LRRC4B: variants seen among roughly 807,000 people sequenced by gnomAD.
LRRC4B encodes the protein leucine-rich repeat-containing protein 4B.
LRRC4B carries 1 observed loss-of-function variant against 7.3 expected under a neutral mutation model. The observed-to-expected ratio is 0.14, with a 90% CI of 0.05 to 0.65. The LOEUF is 0.65. Ranked by LOEUF, LRRC4B falls within the 30% of genes least tolerant of loss-of-function variation. LRRC4B has a pLI of 0.84. For synonymous variants in LRRC4B, 500 were observed against 499.2 expected, an observed-to-expected ratio of 1.00 and a Z score of -0.02; for missense variants, 730 against 1,041.6, an observed-to-expected ratio of 0.70 and a Z score of 4.12.
At chr19:50,521,768 C>T (rs1469430064) in intron 2 of LRRC4B, among the ~76,000 whole-genome samples, 1 of 151,212 alleles carries the variant, frequency 6.6e-6, no homozygotes, top group Admixed American at 6.7e-5. Context: ...CCATGTTGGC[C>T]AGACTGTTCT....
chr19:50,535,084 G>T (rs910202418), intron 2 of LRRC4B, among the ~76,000 whole-genome samples: 10 of 152,022 alleles, frequency 6.6e-5, no homozygotes, highest in Non-Finnish European at 1.0e-4. Flanking sequence ...TAGCCAGGAT[G>T]GTCTCGATCT....
chr19:50,546,328 CTG>C (rs1183840469), intron 2 of LRRC4B, among the ~76,000 whole-genome samples: 2 of 151,664 alleles, frequency 1.3e-5, no homozygotes, highest in African/African-American at 4.8e-5. Flanking sequence ...GAGCGAGACT[CTG>C]TCTCAAAATA....
intron 1 of LRRC4B, among the ~76,000 whole-genome samples, chr19:50,558,791 G>T (rs2122925547): frequency 6.6e-6 from 1 of 152,352 alleles, no homozygotes; most frequent in South Asian, 2.1e-4. Context: ...TTCTGCCTGA[G>T]TCCCTGAAGT....
Position 50,548,869 on chromosome 19 carries a change from G to A in LRRC4B, c.-31C>T, listed in dbSNP as rs1286187683. 2 of 1,419,336 alleles carry A rather than the reference G, an allele frequency of 1.4e-6. No homozygotes were observed. Among genetic ancestry groups the A allele is most frequent in the Non-Finnish European group, 1.9e-6 (2 of 1,080,988 alleles). 87.9% of individuals were successfully genotyped at this position (1,419,336 alleles called of 1,614,324 possible). On this transcript the variant is annotated 5_prime_UTR_variant, in exon 2 of 3. Coordinates refer to ENST00000652263, the MANE Select transcript of LRRC4B (RefSeq NM_001080457.2). The surrounding 1 kb of genome is among the most constrained non-coding windows in gnomAD (Gnocchi z 6.8). ...ATGTTCATGCTCCGCGTGGACGCTG[G>A]GGGGCTGTGGGTGGGGGAGAGAAGG...
intron 2 of LRRC4B, among the ~76,000 whole-genome samples, chr19:50,524,607 A>G (rs1374093447): frequency 6.6e-6 from 1 of 152,214 alleles, no homozygotes; most frequent in African/African-American, 2.4e-5. Context: ...TAATAAAGAA[A>G]AAACCAAACA....
Position 50,517,229 on chromosome 19 carries a change from T to G in LRRC4B, c.*342A>C, listed in dbSNP as rs993341661. 3 of 214,886 alleles carry G rather than the reference T, an allele frequency of 1.4e-5. No homozygotes were observed. The highest frequency in any genetic ancestry group is 2.8e-5 in the Non-Finnish European group (3 of 109,016). The allele number at this position is 214,886 out of a possible 1,614,324, so 13.3% of individuals were successfully genotyped here. ...GGGAAAGGACACCCCTGGAGAAAGC[T>G]CCTCTCTCCCCTGGAAGGCGGCGGG... is the stretch of plus-strand genomic sequence containing the variant. On this transcript the variant is annotated 3_prime_UTR_variant, in exon 3 of 3. Transcript: ENST00000652263. This position sits in a 1 kb window ranked among gnomAD's most constrained non-coding sequence, Gnocchi z 6.6.
At chr19:50,562,730 G>GT (rs778453544) in intron 1 of LRRC4B, among the ~76,000 whole-genome samples, 21,186 of 135,970 alleles carry the variant, frequency 0.16, 1,663 homozygotes, top group African/African-American at 0.22. Context: ...TCCATCCAGG[G>GT]TTTTTTTTTT....
chr19:50,528,467 C>A (rs1163105478), intron 2 of LRRC4B, among the ~76,000 whole-genome samples: 2 of 152,152 alleles, frequency 1.3e-5, no homozygotes, highest in African/African-American at 4.8e-5. Context: ...GCCTCAGCCT[C>A]CCGAGAAGCT....
intron 2 of LRRC4B, among the ~76,000 whole-genome samples, chr19:50,547,908 C>T (rs552088486): frequency 6.6e-5 from 10 of 152,094 alleles, no homozygotes; most frequent in South Asian, 4.2e-4. Flanking sequence ...AGCACCACAG[C>T]GTTCTCAGCC....
intron 2 of LRRC4B, among the ~76,000 whole-genome samples, chr19:50,545,812 C>T (rs368573310): frequency 6.7e-6 from 1 of 150,180 alleles, no homozygotes; most frequent in Admixed American, 6.6e-5. Flanking sequence ...CAACCTCTGC[C>T]TCCTGGTCTC....
Position 50,519,130 on chromosome 19 carries a change from G to T in LRRC4B, c.583C>A (p.Leu195Met). The change falls in exon 3 of 3, where the codon CTG becomes ATG. Residue 195 changes from leucine (L) to methionine (M), a missense_variant. This residue lies in a region of LRRC4B where 226 missense variants were observed against 448.0 expected (regional missense o/e 0.50). Coordinates refer to ENST00000652263, the MANE Select transcript of LRRC4B (RefSeq NM_001080457.2). The surrounding 1 kb of genome is among the most constrained non-coding windows in gnomAD (Gnocchi z 8.1). ...RRLDLGELKRLEYISEAAFEG... is the reference protein window; with the variant it reads ...RRLDLGELKRMEYISEAAFEG... ...AAGGCCGCCTCCGAGATGTATTCCA[G>T]CCGCTTGAGCTCGCCCAGGTCCAGG... 6.2e-7 allele frequency: 1 copy of T among 1,612,502 alleles called. No homozygotes were observed.
At chr19:50,542,773 G>C (rs192408944) in intron 2 of LRRC4B, among the ~76,000 whole-genome samples, 82 of 152,200 alleles carry the variant, frequency 5.4e-4, no homozygotes, top group Admixed American at 3.7e-3. Context: ...ACCGCGCCTG[G>C]CCATGATATT....
intron 2 of LRRC4B, among the ~76,000 whole-genome samples, chr19:50,529,462 G>A (rs907279505): frequency 2.6e-5 from 4 of 151,850 alleles, no homozygotes; most frequent in African/African-American, 7.3e-5. Flanking sequence ...AGGAGGTCCC[G>A]GTCATCACTG....
intron 1 of LRRC4B, among the ~76,000 whole-genome samples, chr19:50,550,130 A>G (rs1981992273): frequency 6.6e-6 from 1 of 152,144 alleles, no homozygotes; most frequent in South Asian, 2.1e-4. Context: ...TAATGACCAT[A>G]GGAGAAAGCT....
In LRRC4B at chr19:50,563,235, G is replaced by A. The variant is rs928878772; in HGVS notation, c.-36+4709C>T. Among the ~76,000 whole-genome samples, 4 of 152,192 alleles carry A rather than the reference G, an allele frequency of 2.6e-5. No homozygotes were observed. Among genetic ancestry groups the A allele is most frequent in the Admixed American group, 6.5e-5 (1 of 15,296 alleles). On this transcript the variant is annotated intron_variant, in intron 1 of 2. Coordinates refer to ENST00000652263, the MANE Select transcript of LRRC4B (RefSeq NM_001080457.2). This position sits in a 1 kb window ranked among gnomAD's most constrained non-coding sequence, Gnocchi z 4.9. Reference sequence around the variant, plus strand: ...CTCTGCCTGCCATGACAACAGTTGCGCGTGGGTTTCCAGGCAACAAGGGGC... The same window carrying A: ...CTCTGCCTGCCATGACAACAGTTGCACGTGGGTTTCCAGGCAACAAGGGGC...
At chr19:50,551,913 T>C (rs1409845019) in intron 1 of LRRC4B, among the ~76,000 whole-genome samples, 3 of 141,494 alleles carry the variant, frequency 2.1e-5, no homozygotes, top group African/African-American at 7.8e-5. Context: ...AGGGCGCCTC[T>C]CCTCCCTCCT....
In LRRC4B at chr19:50,553,991, CTTTTTTT is replaced by C. The variant is rs3058937; in HGVS notation, c.-35-5125_-35-5119del. Reference sequence around the variant, plus strand: ...GGAGGCCTGCTGGCAGAGGCAGCACCTTTTTTTTTTTTTTTTTTTTGAGACAGAGTCT... The same window carrying C: ...GGAGGCCTGCTGGCAGAGGCAGCACCTTTTTTTTTTTTTGAGACAGAGTCT... On this transcript the variant is annotated intron_variant, in intron 1 of 2. Coordinates refer to ENST00000652263, the MANE Select transcript of LRRC4B (RefSeq NM_001080457.2). The surrounding 1 kb of genome is among the most constrained non-coding windows in gnomAD (Gnocchi z 4.2). Among the ~76,000 whole-genome samples, 1 of 111,788 alleles carries C rather than the reference CTTTTTTT, an allele frequency of 8.9e-6. No homozygotes were observed. Among genetic ancestry groups the C allele is most frequent in the Non-Finnish European group, 1.8e-5 (1 of 56,816 alleles). 73.3% of individuals were successfully genotyped at this position (111,788 alleles called of 152,430 possible). A position where few individuals can be genotyped will look rare whatever the true frequency, so the allele number is the denominator to read the frequency against.
chr19:50,517,754 G>C lies in LRRC4B; in HGVS notation c.1959C>G (p.Pro653=). 6.6e-7 allele frequency: 1 copy of C among 1,525,026 alleles called. No homozygotes were observed. The highest frequency in any genetic ancestry group is 1.3e-5 in the South Asian group (1 of 78,212). The allele number at this position is 1,525,026 out of a possible 1,614,324, so 94.5% of individuals were successfully genotyped here. A position where few individuals can be genotyped will look rare whatever the true frequency, so the allele number is the denominator to read the frequency against. The part of the protein sequence containing the change: ...GVGGDSHLAL[P]ALERDHLNHH... The stretch of plus-strand genomic sequence containing the variant: ...GGTTGAGGTGGTCTCGCTCCAGGGC[G>C]GGCAGGGCCAGGTGGCTGTCCCCGC... The change falls in exon 3 of 3, where the codon CCC becomes CCG. Residue 653 remains proline, a synonymous_variant. Coordinates refer to ENST00000652263, the MANE Select transcript of LRRC4B (RefSeq NM_001080457.2). This position sits in a 1 kb window ranked among gnomAD's most constrained non-coding sequence, Gnocchi z 6.6.
chr19:50,529,660 C>T (rs1980964063), intron 2 of LRRC4B, among the ~76,000 whole-genome samples: 1 of 152,054 alleles, frequency 6.6e-6, no homozygotes, highest in Admixed American at 6.6e-5. Flanking sequence ...CAAAAATTAG[C>T]TGGGCGTGAT....
Sources: gnomAD v4.1 joint callset for allele counts (sites outside exome capture counted in the v4.1 genomes callset) on GRCh38, gnomAD v4.1.1 for gene constraint, gnomAD v4.1.1 regional missense constraint, Gnocchi (gnomAD v3.1) non-coding constraint, MANE v1.5 for transcripts, NCBI Gene and HGNC (gene_info 2026-07-23, HGNC 2026-07-21) for gene names.